CCDC93: variants seen among roughly 807,000 people sequenced by gnomAD.
CCDC93 encodes the protein coiled-coil domain-containing protein 93.
Under a neutral mutation model 108.2 loss-of-function variants are expected in CCDC93, and 61 were observed. That is an observed-to-expected ratio of 0.56 (90% CI 0.46 to 0.70). The LOEUF (loss-of-function observed/expected upper bound fraction) is 0.70. Ranked by LOEUF, CCDC93 falls within the 30% of genes least tolerant of loss-of-function variation. CCDC93 has a pLI of 0.00. For synonymous variants in CCDC93, 276 were observed against 260.4 expected, an observed-to-expected ratio of 1.06 and a Z score of -0.58; for missense variants, 685 against 764.2, an observed-to-expected ratio of 0.90 and a Z score of 1.22.
At chr2:117,977,425 C>T (rs564277353) in intron 8 of CCDC93, among the ~76,000 whole-genome samples, 34 of 152,324 alleles carry the variant, frequency 2.2e-4, no homozygotes, top group African/African-American at 7.5e-4. Flanking sequence ...GAGCCCTTAA[C>T]ATACAGCCTG....
intron 1 of CCDC93, among the ~76,000 whole-genome samples, chr2:118,013,360 G>T (rs1407342782): frequency 6.6e-6 from 1 of 152,156 alleles, no homozygotes; most frequent in Non-Finnish European, 1.5e-5. Context: ...ACGCCCCGGC[G>T]CGCTGACCCA....
chr2:117,998,033 T>C (rs1431500997), intron 4 of CCDC93: 2 of 152,236 alleles, frequency 1.3e-5, no homozygotes, highest in Non-Finnish European at 2.9e-5. Flanking sequence ...TGAAAGGCTA[T>C]AGAGGGAAAC....
chr2:117,987,322 G>A (rs1165616795), intron 6 of CCDC93, among the ~76,000 whole-genome samples: 1 of 152,126 alleles, frequency 6.6e-6, no homozygotes, highest in Non-Finnish European at 1.5e-5. Flanking sequence ...CTAGCCCTAG[G>A]TAACCTGGTT....
intron 17 of CCDC93, among the ~76,000 whole-genome samples, chr2:117,944,511 A>G (rs1244779623): frequency 6.6e-6 from 1 of 152,184 alleles, no homozygotes; most frequent in African/African-American, 2.4e-5. Context: ...ACAGTGCGGA[A>G]CAGAACATTT....
intron 12 of CCDC93, among the ~76,000 whole-genome samples, chr2:117,953,998 G>A (rs1218904334): frequency 6.6e-6 from 1 of 152,204 alleles, no homozygotes; most frequent in African/African-American, 2.4e-5. Context: ...CACCAGATCT[G>A]TTGGTGCCTC....
chr2:117,926,345 A>C (rs1000679057), intron 23 of CCDC93, among the ~76,000 whole-genome samples: 24 of 152,288 alleles, frequency 1.6e-4, no homozygotes, highest in African/African-American at 5.8e-4. Flanking sequence ...TTTTTTGAAA[A>C]GATCAACAAA....
intron 13 of CCDC93, chr2:117,949,783 T>G (rs900601859): frequency 1.0e-6 from 1 of 985,388 alleles, no homozygotes; most frequent in Non-Finnish European, 1.2e-6. Flanking sequence ...AGCCACCCCT[T>G]CTTGCCCTAA....
At chr2:117,995,252 G>T in intron 6 of CCDC93, 194 bp downstream of exon 6, 1 of 591,248 alleles carries the variant, frequency 1.7e-6, no homozygotes, top group Non-Finnish European at 3.0e-6. Flanking sequence ...AGTGTGGCAG[G>T]TTCTCCCTGT....
At chr2:117,955,287 G>A (rs1679182621) in intron 12 of CCDC93, among the ~76,000 whole-genome samples, 1 of 152,084 alleles carries the variant, frequency 6.6e-6, no homozygotes, top group Admixed American at 6.5e-5. Context: ...CTCCCCAGGT[G>A]AGGGCATACG....
rs150337081 is a variant in CCDC93 at position 117,936,463 on chromosome 2, T to C, written c.1643+239A>G. ...TAGTAGGTGGGTACAGTCAAAGTAT[T>C]TGAAAGTTAACTTTTTTCGTCAGCT... On this transcript the variant is annotated intron_variant, in intron 21 of 23. Transcript: ENST00000376300. 808 of 462,304 alleles carry C rather than the reference T, an allele frequency of 1.7e-3. 5 individuals are homozygous for C. Among genetic ancestry groups the C allele is most frequent in the African/African-American group, 0.013 (662 of 52,278 alleles). The allele number at this position is 462,304 out of a possible 1,614,324, so 28.6% of individuals were successfully genotyped here.
At chr2:118,004,962 C>G (rs1165624944) in intron 3 of CCDC93, among the ~76,000 whole-genome samples, 3 of 152,052 alleles carry the variant, frequency 2.0e-5, no homozygotes, top group African/African-American at 7.2e-5. Context: ...TAGAGTCACA[C>G]TCTATAATAA....
chr2:117,982,682 G>A (rs897406721), intron 7 of CCDC93, among the ~76,000 whole-genome samples: 1 of 151,900 alleles, frequency 6.6e-6, no homozygotes, highest in African/African-American at 2.4e-5. Flanking sequence ...CCTGACAAGA[G>A]GTAAGATAAG....
chr2:117,984,470 C>T (rs1380197965), intron 7 of CCDC93, among the ~76,000 whole-genome samples: 1 of 152,174 alleles, frequency 6.6e-6, no homozygotes, highest in East Asian at 1.9e-4. Flanking sequence ...TCCCAGCCTT[C>T]AGATGGTGAT....
At chr2:117,980,680 A>G (rs182542355) in intron 7 of CCDC93, among the ~76,000 whole-genome samples, 1 of 152,358 alleles carries the variant, frequency 6.6e-6, no homozygotes, top group African/African-American at 2.4e-5. Context: ...CACTTTAAAA[A>G]AATATTTTAA....
At chr2:117,945,648 T>TC in intron 16 of CCDC93, 66 bp from the exon 17 acceptor site, 1 of 1,427,638 alleles carries the variant, frequency 7.0e-7, no homozygotes, top group South Asian at 1.2e-5. Context: ...AAGCCAAGGA[T>TC]CTAGATGTAG....
intron 1 of CCDC93, chr2:118,008,959 G>A (rs747086725): frequency 3.9e-6 from 1 of 255,210 alleles, no homozygotes; most frequent in South Asian, 9.0e-5. Context: ...AGGAAGGTTA[G>A]AGCACAATAC....
At chr2:117,943,516 C>T (rs981860166) in intron 18 of CCDC93, among the ~76,000 whole-genome samples, 2 of 152,178 alleles carry the variant, frequency 1.3e-5, no homozygotes, top group South Asian at 2.1e-4. Context: ...CACTCCTACC[C>T]GAGCCCGGCC....
Position 117,954,002 on chromosome 2 carries a change from G to A in CCDC93, c.1006-1567C>T, listed in dbSNP as rs1448902386. ...TGGACATCAGACACCAGATCTGTTG[G>A]TGCCTCGATCTTGGACTTCCCAACC... On this transcript the variant is annotated intron_variant, in intron 12 of 23. Transcript: ENST00000376300. 2.6e-5 allele frequency among the ~76,000 whole-genome samples: 4 copies of A among 152,298 alleles called. No homozygotes were observed. The East Asian group carries it at 5.8e-4, about 22-fold the overall frequency.
chr2:117,936,717 T>G lies in CCDC93; in HGVS notation c.1628A>C (p.His543Pro). The G allele has an allele frequency of 6.2e-7, 1 of 1,613,720 alleles. No homozygotes were observed. Among genetic ancestry groups the G allele is most frequent in the Non-Finnish European group, 8.5e-7 (1 of 1,179,596 alleles). Residue 543 changes from histidine (H) to proline (P), a missense_variant, in exon 21 of 24, where the codon CAT (histidine) becomes CCT (proline). His to Pro is a moderately conservative substitution (Grantham distance 77). Transcript: ENST00000376300. ...EKEISLLNSI[H>P]ENFSQAMASP... ...CAGTACTTACTGTGAGAAGTTCTCA[T>G]GAATTGAGTTCAGCAGACTAATCTG...
Sources: gnomAD v4.1 joint callset for allele counts (sites outside exome capture counted in the v4.1 genomes callset) on GRCh38, gnomAD v4.1.1 for gene constraint, MANE v1.5 for transcripts, NCBI Gene and HGNC (gene_info 2026-07-23, HGNC 2026-07-21) for gene names.